NRG3: variants seen among roughly 807,000 people sequenced by gnomAD.
The protein encoded by NRG3 is neuregulin 3.
In NRG3, 31 loss-of-function variants were observed where a neutral mutation model predicts 66.9. The ratio of observed to expected loss-of-function variants is 0.46; its 90% CI spans 0.35 to 0.63. The LOEUF (loss-of-function observed/expected upper bound fraction) is 0.63. Among genes scored for constraint, NRG3 ranks in the 20% least tolerant of loss-of-function variants. NRG3 has a pLI of 0.00. For synonymous variants in NRG3, 393 were observed against 359.4 expected (o/e 1.09, Z -1.06); for missense variants, 910 against 878.9 (o/e 1.04, Z -0.45).
intron 1 of NRG3, among the ~76,000 whole-genome samples, chr10:82,325,035 A>C (rs1564797159): frequency 6.6e-6 from 1 of 152,096 alleles, no homozygotes; most frequent in Non-Finnish European, 1.5e-5. Flanking sequence ...GGATTTGTCC[A>C]TTTCTCCCTT....
At chr10:82,631,938 C>A (rs1432457103) in intron 2 of NRG3, among the ~76,000 whole-genome samples, 5 of 151,888 alleles carry the variant, frequency 3.3e-5, no homozygotes, top group Non-Finnish European at 7.4e-5. Context: ...TCCGTCTCTA[C>A]CAAAAATACA....
chr10:82,349,214 T>C (rs1277241067), intron 1 of NRG3, among the ~76,000 whole-genome samples: 2 of 150,868 alleles, frequency 1.3e-5, no homozygotes, highest in African/African-American at 2.4e-5. Context: ...TTTTGGTCTT[T>C]GATGATGGTG....
intron 1 of NRG3, among the ~76,000 whole-genome samples, chr10:82,028,280 A>T (rs1411925811): frequency 6.6e-6 from 1 of 152,062 alleles, no homozygotes; most frequent in African/African-American, 2.4e-5. Flanking sequence ...AGGAGGAAAA[A>T]ACAAAACAAA....
chr10:82,622,771 A>G (rs559748490), intron 2 of NRG3, among the ~76,000 whole-genome samples: 85 of 152,284 alleles, frequency 5.6e-4, no homozygotes, highest in African/African-American at 1.8e-3. Context: ...TCTGCAACCC[A>G]TCATGTCTAT....
At chr10:82,673,182 C>G (rs952065129) in intron 2 of NRG3, among the ~76,000 whole-genome samples, 1 of 152,222 alleles carries the variant, frequency 6.6e-6, no homozygotes, top group African/African-American at 2.4e-5. Flanking sequence ...TGGCTGGCAT[C>G]TTGTCCAGGG....
At chr10:82,349,042 T>G (rs1341044698) in intron 1 of NRG3, among the ~76,000 whole-genome samples, 1 of 152,250 alleles carries the variant, frequency 6.6e-6, no homozygotes, top group South Asian at 2.1e-4. Flanking sequence ...AGTAATTTGA[T>G]CTTCTAAAGC....
At chr10:81,886,124 T>C (rs1035760655) in intron 1 of NRG3, among the ~76,000 whole-genome samples, 3 of 152,136 alleles carry the variant, frequency 2.0e-5, no homozygotes, top group African/African-American at 7.2e-5. Flanking sequence ...CGTTTACCTA[T>C]GTAACAAATC....
At chr10:82,498,647 T>C (rs1366954230) in intron 2 of NRG3, among the ~76,000 whole-genome samples, 1 of 151,984 alleles carries the variant, frequency 6.6e-6, no homozygotes, top group East Asian at 1.9e-4. Context: ...GGACATGAGA[T>C]TACTAGGAGA....
chr10:82,899,922 A>G (rs1231208153), intron 4 of NRG3, among the ~76,000 whole-genome samples: 1 of 152,190 alleles, frequency 6.6e-6, no homozygotes, highest in Non-Finnish European at 1.5e-5. Context: ...TTGTTTTTGC[A>G]TTGCTATAAA....
intron 2 of NRG3, among the ~76,000 whole-genome samples, chr10:82,552,227 A>G (rs1401171117): frequency 6.6e-6 from 1 of 152,188 alleles, no homozygotes; most frequent in Non-Finnish European, 1.5e-5. Context: ...TCTCCTATTT[A>G]GTTACCCAAT....
chr10:82,439,477 T>C (rs2136421818), intron 2 of NRG3, among the ~76,000 whole-genome samples: 1 of 152,170 alleles, frequency 6.6e-6, no homozygotes, highest in South Asian at 2.1e-4. Flanking sequence ...TATGTATAAC[T>C]TACATGTTTT....
intron 1 of NRG3, among the ~76,000 whole-genome samples, chr10:82,164,704 A>G (rs1409839382): frequency 6.6e-6 from 1 of 152,210 alleles, no homozygotes; most frequent in East Asian, 1.9e-4. Flanking sequence ...GAGGTAAGAA[A>G]AGAAAACAGT....
intron 1 of NRG3, among the ~76,000 whole-genome samples, chr10:82,174,391 C>G (rs1183146865): frequency 6.6e-6 from 1 of 151,730 alleles, no homozygotes; most frequent in Non-Finnish European, 1.5e-5. Context: ...TTTTTCGTAT[C>G]TCCATAATTT....
intron 1 of NRG3, among the ~76,000 whole-genome samples, chr10:81,940,856 G>T (rs1290780225): frequency 1.3e-5 from 2 of 152,048 alleles, no homozygotes; most frequent in Non-Finnish European, 2.9e-5. Context: ...TTAAGGTACC[G>T]AATGTATATC....
In NRG3 at chr10:82,827,204, TAAAAA is replaced by T. The variant is rs5786573; in HGVS notation, c.1028-38183_1028-38179del. ...TGTGAGACTTTTTGTTACCAAATTG[TAAAAA>T]AAAAAAAAAAAAAAAAAAAAAAATC... On this transcript the variant is annotated intron_variant, in intron 3 of 8. Coordinates refer to ENST00000372141, the MANE Select transcript of NRG3 (RefSeq NM_001010848.4). 1,211 of 192,598 alleles carry T rather than the reference TAAAAA, an allele frequency of 6.3e-3. 4 individuals carry two copies. Among genetic ancestry groups the T allele is most frequent in the African/African-American group, 0.014 (403 of 28,780 alleles). The allele number at this position is 192,598 out of a possible 1,614,324, so 11.9% of individuals were successfully genotyped here.
At chr10:82,553,370 A>G (rs533330355) in intron 2 of NRG3, among the ~76,000 whole-genome samples, 1 of 152,148 alleles carries the variant, frequency 6.6e-6, no homozygotes, top group African/African-American at 2.4e-5. Flanking sequence ...TAAGATGGGT[A>G]TATTTGCAAA....
At chr10:82,865,200 G>T (rs544081047) in intron 3 of NRG3, among the ~76,000 whole-genome samples, 51 of 152,232 alleles carry the variant, frequency 3.4e-4, no homozygotes, top group African/African-American at 1.2e-3. Flanking sequence ...ATAGCTCAGA[G>T]GCTTTGGGGG....
At chr10:82,744,850 C>T (rs1385589300) in intron 3 of NRG3, among the ~76,000 whole-genome samples, 2 of 152,114 alleles carry the variant, frequency 1.3e-5, no homozygotes, top group African/African-American at 2.4e-5. Flanking sequence ...CCATTCAGAG[C>T]ATGTCATGCT....
At chr10:81,957,510 A>C (rs569582751) in intron 1 of NRG3, among the ~76,000 whole-genome samples, 21 of 152,262 alleles carry the variant, frequency 1.4e-4, no homozygotes, top group South Asian at 1.2e-3. Context: ...TCATATACTT[A>C]TCACTGTCTG....
Sources: allele counts gnomAD v4.1 joint callset (sites outside exome capture counted in the v4.1 genomes callset), GRCh38; gene constraint gnomAD v4.1.1; transcripts MANE v1.5; gene names NCBI Gene and HGNC (gene_info 2026-07-23, HGNC 2026-07-21).